Variants in THRAP3 observed in about 807,000 individuals in gnomAD.
THRAP3 encodes thyroid hormone receptor associated protein 3.
A neutral mutation model predicts 101.0 loss-of-function variants in THRAP3; 16 were observed. The ratio of observed to expected loss-of-function variants is 0.16; its 90% CI spans 0.11 to 0.24. THRAP3 has a LOEUF of 0.24. Among genes scored for constraint, THRAP3 ranks in the 10% least tolerant of loss-of-function variants. The pLI is 1.00. For synonymous variants in THRAP3, 407 were observed against 422.6 expected (o/e 0.96, Z 0.45); for missense variants, 989 against 1,202.7 (o/e 0.82, Z 2.63).
intron 1 of THRAP3, among the ~76,000 whole-genome samples, chr1:36,241,713 G>A (rs1645163828): frequency 6.6e-6 from 1 of 151,550 alleles, no homozygotes; most frequent in Non-Finnish European, 1.5e-5. Flanking sequence ...AGAGTAGCTA[G>A]GACTACAGGC....
At chr1:36,275,231 A>T (rs12066559) in intron 2 of THRAP3, among the ~76,000 whole-genome samples, 115,729 of 145,204 alleles carry the variant, frequency 0.8, 47,643 homozygotes, top group East Asian at 0.94. Context: ...CGGAGCTTGC[A>T]GCAAGGTAAG....
intron 4 of THRAP3, 26 bp downstream of exon 4, chr1:36,287,296 G>T (rs548216042): frequency 6.4e-7 from 1 of 1,559,626 alleles, no homozygotes; most frequent in Admixed American, 1.9e-5. Flanking sequence ...CCCCTGCCTG[G>T]TTGTGTTTTT....
chr1:36,266,640 A>G (rs1240757553), intron 2 of THRAP3, among the ~76,000 whole-genome samples: 2 of 152,106 alleles, frequency 1.3e-5, no homozygotes, highest in Admixed American at 6.6e-5. Context: ...AGTGTCCCTC[A>G]CCCCAGTAGG....
chr1:36,231,549 T>C (rs1443860605), intron 1 of THRAP3, among the ~76,000 whole-genome samples: 4 of 152,248 alleles, frequency 2.6e-5, no homozygotes, highest in Non-Finnish European at 1.5e-5. Context: ...TTTTTTAAAA[T>C]AATATACTGC....
At chr1:36,215,802 T>G in the THRAP3 span, among the ~76,000 whole-genome samples, 1 of 151,332 alleles carries the variant, frequency 6.6e-6, no homozygotes. Context: ...CAGGCTGGAG[T>G]GCAACGGCAC....
chr1:36,259,270 T>C (rs977576129), intron 1 of THRAP3, 112 bp from the exon 2 acceptor site: 3 of 395,188 alleles, frequency 7.6e-6, no homozygotes, highest in African/African-American at 4.1e-5. Flanking sequence ...TGGGTCCTTT[T>C]GGAGTAAAGC....
chr1:36,229,422 T>G (rs1160791549), intron 1 of THRAP3, among the ~76,000 whole-genome samples: 7 of 42,740 alleles, frequency 1.6e-4, no homozygotes, highest in Non-Finnish European at 2.9e-4. Flanking sequence ...GTTTTTTTTT[T>G]GTTTTTTTTT....
At chr1:36,258,210 G>A (rs1333236755) in intron 1 of THRAP3, among the ~76,000 whole-genome samples, 3 of 152,358 alleles carry the variant, frequency 2.0e-5, no homozygotes, top group Non-Finnish European at 4.4e-5. Flanking sequence ...GCAGACATGG[G>A]ATTTCCCTCA....
intron 2 of THRAP3, among the ~76,000 whole-genome samples, chr1:36,266,228 A>G (rs1293353688): frequency 6.6e-6 from 1 of 151,218 alleles, no homozygotes; most frequent in East Asian, 1.9e-4. Flanking sequence ...CTGAGGTGGG[A>G]GGATTGCTTG....
intron 1 of THRAP3, chr1:36,225,399 C>G (rs1644950276): frequency 6.6e-6 from 1 of 152,162 alleles, no homozygotes; most frequent in African/African-American, 2.4e-5. Context: ...GCCCTGCTAT[C>G]TTTTGATCTT....
intron 9 of THRAP3, among the ~76,000 whole-genome samples, chr1:36,297,899 C>T (rs552936180): frequency 6.6e-6 from 1 of 151,012 alleles, no homozygotes; most frequent in African/African-American, 2.4e-5. Flanking sequence ...GTAATCCCAG[C>T]ACTTTGGGAG....
chr1:36,220,518 T>C (rs1256849193), upstream of THRAP3, among the ~76,000 whole-genome samples: 1 of 151,442 alleles, frequency 6.6e-6, no homozygotes, highest in Non-Finnish European at 1.5e-5. Context: ...AATCAACTCT[T>C]GTTGTAAATG....
At position 36,304,205 on chromosome 1, in the gene THRAP3, A is replaced by G. The variant is rs568801993; in HGVS notation, c.*188A>G. On this transcript the variant is annotated 3_prime_UTR_variant, in exon 12 of 12. Coordinates refer to ENST00000354618, the MANE Select transcript of THRAP3 (RefSeq NM_005119.4). The stretch of plus-strand genomic sequence containing the variant: ...TCCCACTGGACAGAGGAGGCTGGCC[A>G]TGGGGCCCAGGGGTCAGGCCCAGCT... The G allele has an allele frequency of 2.4e-6, 2 of 850,658 alleles. No individual in the cohort carries two copies. Among genetic ancestry groups the G allele is most frequent in the South Asian group, 5.6e-5 (2 of 35,962 alleles). 52.7% of individuals were successfully genotyped at this position (850,658 alleles called of 1,614,324 possible). A position where few individuals can be genotyped will look rare whatever the true frequency, so the allele number is the denominator to read the frequency against.
chr1:36,248,169 G>C (rs773290317), intron 1 of THRAP3, among the ~76,000 whole-genome samples: 1 of 151,914 alleles, frequency 6.6e-6, no homozygotes, highest in African/African-American at 2.4e-5. Context: ...CATGAGCCAC[G>C]GTGCCCAGCC....
chr1:36,288,266 T>C (rs1645821039), intron 4 of THRAP3: 1 of 736,206 alleles, frequency 1.4e-6, no homozygotes, highest in Non-Finnish European at 1.7e-6. Flanking sequence ...ACCTGAGCAG[T>C]GTACACTGTA....
intron 1 of THRAP3, among the ~76,000 whole-genome samples, chr1:36,250,256 C>T (rs958449887): frequency 2.0e-5 from 3 of 151,178 alleles, no homozygotes; most frequent in Admixed American, 1.3e-4. Flanking sequence ...CTCTGTCGCC[C>T]AGGCTGGAGG....
At chr1:36,231,721 A>G (rs1189269844) in intron 1 of THRAP3, among the ~76,000 whole-genome samples, 1 of 152,152 alleles carries the variant, frequency 6.6e-6, no homozygotes, top group African/African-American at 2.4e-5. Context: ...TGTAAAGTTA[A>G]CGAGGAAGTT....
intron 2 of THRAP3, among the ~76,000 whole-genome samples, chr1:36,282,235 CT>C (rs34587417): frequency 0.32 from 43,614 of 137,186 alleles, 7,343 homozygotes; most frequent in Middle Eastern, 0.52. Flanking sequence ...CACTTTCTCT[CT>C]TTTTTTTTTT....
intron 1 of THRAP3, among the ~76,000 whole-genome samples, chr1:36,232,546 A>C (rs555717285): frequency 6.6e-6 from 1 of 152,264 alleles, no homozygotes; most frequent in East Asian, 1.9e-4. Flanking sequence ...ACGTCTTTAG[A>C]GAGTAAGAGG....
Sources: gnomAD v4.1 joint callset for allele counts (sites outside exome capture counted in the v4.1 genomes callset) on GRCh38, gnomAD v4.1.1 for gene constraint, MANE v1.5 for transcripts, NCBI Gene and HGNC (gene_info 2026-07-23, HGNC 2026-07-21) for gene names.